The following EIF4E3 variants were observed in gnomAD, a reference collection of about 807,000 sequenced individuals.
EIF4E3 encodes the protein eukaryotic translation initiation factor 4E family member 3, also known as eukaryotic translation initiation factor 4E type 3.
EIF4E3 carries 26 observed loss-of-function variants against 31.7 expected under a neutral mutation model. The ratio of observed to expected loss-of-function variants is 0.82; its 90% CI spans 0.60 to 1.14. The LOEUF (loss-of-function observed/expected upper bound fraction) is 1.14. Among genes scored for constraint, EIF4E3 ranks in the 50% most tolerant of loss-of-function variants. EIF4E3 has a pLI of 0.00. For synonymous variants in EIF4E3, 128 were observed against 107.7 expected (o/e 1.19, Z -1.17); for missense variants, 304 against 270.9 (o/e 1.12, Z -0.86).
chr3:71,729,121 A>T (rs928396019), upstream of EIF4E3: 1 of 152,222 alleles, frequency 6.6e-6, no homozygotes, highest in Non-Finnish European at 1.5e-5. Flanking sequence ...CCATCAGCCC[A>T]ACTTTCATCA....
intron 2 of EIF4E3, among the ~76,000 whole-genome samples, chr3:71,704,424 C>T (rs796317725): frequency 1.3e-5 from 2 of 152,358 alleles, no homozygotes; most frequent in African/African-American, 2.4e-5. Context: ...CGCTGAGCAA[C>T]ATGGCGGTCA....
chr3:71,692,222 T>C (rs77950746), intron 5 of EIF4E3, among the ~76,000 whole-genome samples: 234 of 152,280 alleles, frequency 1.5e-3, no homozygotes, highest in Non-Finnish European at 2.6e-3. Flanking sequence ...CATAAGACAT[T>C]AGAGCTGGGA....
chr3:71,742,179 GA>G (rs2049827608), intron 1 of EIF4E3, among the ~76,000 whole-genome samples: 3 of 152,066 alleles, frequency 2.0e-5, no homozygotes, highest in South Asian at 4.1e-4. Flanking sequence ...ATAGAAAACA[GA>G]AAAACAGTAG....
the EIF4E3 span, among the ~76,000 whole-genome samples, chr3:71,670,239 G>GCTA: frequency 6.6e-6 from 1 of 152,124 alleles, no homozygotes; most frequent in African/African-American, 2.4e-5. Flanking sequence ...AAACATGGTG[G>GCTA]CTACATTTTC....
At chr3:71,744,056 G>C (rs563960412) in intron 1 of EIF4E3, among the ~76,000 whole-genome samples, 2 of 152,168 alleles carry the variant, frequency 1.3e-5, no homozygotes, top group Admixed American at 6.5e-5. Context: ...TCTTAGATAT[G>C]ATGTAAAAGC....
At chr3:71,741,261 A>G (rs886437231) in intron 1 of EIF4E3, among the ~76,000 whole-genome samples, 2 of 152,152 alleles carry the variant, frequency 1.3e-5, no homozygotes, top group African/African-American at 4.8e-5. Context: ...TAGGAGTTAC[A>G]TTGATCCTTA....
At chr3:71,685,710 CACTT>C (rs2048982090) in intron 6 of EIF4E3, among the ~76,000 whole-genome samples, 1 of 152,218 alleles carries the variant, frequency 6.6e-6, no homozygotes. Flanking sequence ...TATTTTCAAA[CACTT>C]AACGTTTTTT....
intron 1 of EIF4E3, among the ~76,000 whole-genome samples, chr3:71,737,116 C>T (rs1408641031): frequency 6.6e-6 from 1 of 152,182 alleles, no homozygotes; most frequent in Admixed American, 6.5e-5. Flanking sequence ...ACACCGGAGG[C>T]TCAAAATGGT....
intron 2 of EIF4E3, among the ~76,000 whole-genome samples, chr3:71,702,095 A>G (rs2108054319): frequency 6.6e-6 from 1 of 152,318 alleles, no homozygotes; most frequent in African/African-American, 2.4e-5. Context: ...CTTCGAAGAT[A>G]CTACTATATG....
upstream of EIF4E3, chr3:71,754,470 G>C: frequency 7.5e-7 from 1 of 1,326,626 alleles, no homozygotes; most frequent in Non-Finnish European, 9.7e-7. This position sits in a 1 kb window ranked among gnomAD's most constrained non-coding sequence, Gnocchi z 5.8. Flanking sequence ...GCCGTGCGCC[G>C]CCATGCTGGT....
chr3:71,743,509 T>C (rs905216591), intron 1 of EIF4E3, among the ~76,000 whole-genome samples: 1 of 152,150 alleles, frequency 6.6e-6, no homozygotes, highest in Non-Finnish European at 1.5e-5. Context: ...ATACACCTTT[T>C]TTGTGTATAG....
chr3:71,699,532 C>T (rs1017264684), intron 3 of EIF4E3, 82 bp downstream of exon 3: 13 of 1,235,452 alleles, frequency 1.1e-5, no homozygotes, highest in Non-Finnish European at 1.4e-5. Flanking sequence ...GTGAGACACA[C>T]ATCTCAGGTG....
chr3:71,692,556 G>A (rs2049077099), intron 5 of EIF4E3, among the ~76,000 whole-genome samples: 2 of 151,596 alleles, frequency 1.3e-5, no homozygotes, highest in African/African-American at 4.8e-5. Context: ...TAAAACAGAA[G>A]GAATCTGTAC....
the EIF4E3 span, among the ~76,000 whole-genome samples, chr3:71,668,163 CTATT>C: frequency 1.3e-5 from 2 of 152,320 alleles, no homozygotes; most frequent in African/African-American, 4.8e-5. Context: ...AAATGATTCT[CTATT>C]TAATAAATAG....
intron 1 of EIF4E3, among the ~76,000 whole-genome samples, chr3:71,714,036 T>C (rs759442518): frequency 7.9e-5 from 12 of 151,818 alleles, no homozygotes; most frequent in Admixed American, 1.3e-4. Flanking sequence ...AATGATGAAA[T>C]CCAGGCTCTA....
chr3:71,753,384 A>C (rs1578398297), intron 1 of EIF4E3: 1 of 151,826 alleles, frequency 6.6e-6, no homozygotes, highest in Non-Finnish European at 1.5e-5. Context: ...AGGCCTCCCG[A>C]CCCTGCCAGC....
chr3:71,725,585 C>T (rs972633374), upstream of EIF4E3, among the ~76,000 whole-genome samples: 4 of 151,764 alleles, frequency 2.6e-5, no homozygotes, highest in African/African-American at 9.7e-5. This position sits in a 1 kb window ranked among gnomAD's most constrained non-coding sequence, Gnocchi z 6.1. Flanking sequence ...CGAACAAAGA[C>T]AGACCCACGG....
chr3:71,689,818 TCTTA>T (rs1371877392), intron 6 of EIF4E3, among the ~76,000 whole-genome samples, 188 bp downstream of exon 6: 3 of 151,870 alleles, frequency 2.0e-5, no homozygotes, highest in Non-Finnish European at 2.9e-5. Context: ...AAGAATAAAA[TCTTA>T]CTTTAATTTC....
chr3:71,703,008 C>G (rs552638881), intron 2 of EIF4E3, among the ~76,000 whole-genome samples: 2 of 152,270 alleles, frequency 1.3e-5, no homozygotes, highest in African/African-American at 2.4e-5. Context: ...ATTTCAGAAG[C>G]CTTTAGGCTT....
Sources: allele counts gnomAD v4.1 joint callset (sites outside exome capture counted in the v4.1 genomes callset), GRCh38; gene constraint gnomAD v4.1.1; non-coding constraint Gnocchi (gnomAD v3.1); transcripts MANE v1.5; gene names NCBI Gene and HGNC (gene_info 2026-07-23, HGNC 2026-07-21).